Variants in GRM7 observed in about 807,000 individuals in gnomAD.
GRM7 encodes glutamate metabotropic receptor 7, also known as metabotropic glutamate receptor 7.
GRM7 carries 35 observed loss-of-function variants against 84.5 expected under a neutral mutation model. The ratio of observed to expected loss-of-function variants is 0.41; its 90% confidence interval spans 0.32 to 0.55. The LOEUF is 0.55. Among genes scored for constraint, GRM7 ranks in the 20% least tolerant of loss-of-function variants. GRM7 has a pLI of 0.19. For missense variants in GRM7, 1,003 were observed against 1,194.6 expected (o/e 0.84, Z 2.36); for synonymous variants, 487 against 455.1 (o/e 1.07, Z -0.89).
At chr3:7,067,330 T>C (rs1574857358) in intron 1 of GRM7, among the ~76,000 whole-genome samples, 1 of 152,022 alleles carries the variant, frequency 6.6e-6, no homozygotes, top group East Asian at 1.9e-4. Context: ...AGTTCCTGGA[T>C]ACAAGATTAA....
chr3:7,027,340 C>A (rs1184888363), intron 1 of GRM7, among the ~76,000 whole-genome samples: 2 of 152,142 alleles, frequency 1.3e-5, no homozygotes, highest in Admixed American at 1.3e-4. Flanking sequence ...TGAAAGATGA[C>A]AACAGCTACC....
At chr3:7,142,087 G>C (rs1399699126) in intron 1 of GRM7, among the ~76,000 whole-genome samples, 1 of 151,946 alleles carries the variant, frequency 6.6e-6, no homozygotes, top group Admixed American at 6.6e-5. Context: ...GTGAAAACTT[G>C]AAAAGGTTTA....
intron 1 of GRM7, among the ~76,000 whole-genome samples, chr3:7,127,402 C>G (rs1331382015): frequency 6.6e-6 from 1 of 152,160 alleles, no homozygotes; most frequent in Non-Finnish European, 1.5e-5. Context: ...TAATTGATAG[C>G]ATCTAACCCT....
At chr3:7,645,277 A>G (rs565617446) in intron 8 of GRM7, among the ~76,000 whole-genome samples, 252 of 152,190 alleles carry the variant, frequency 1.7e-3, no homozygotes, top group Non-Finnish European at 2.5e-3. Context: ...GGCTGGGCAC[A>G]GTGGCTCACG....
chr3:7,540,757 CA>C (rs1692834367), intron 7 of GRM7, among the ~76,000 whole-genome samples: 1 of 152,030 alleles, frequency 6.6e-6, no homozygotes, highest in Non-Finnish European at 1.5e-5. Context: ...GTAAAGAAGA[CA>C]AAATAGACTC....
chr3:7,326,666 G>T (rs917002317), intron 4 of GRM7, among the ~76,000 whole-genome samples: 2 of 151,896 alleles, frequency 1.3e-5, no homozygotes, highest in African/African-American at 4.8e-5. Flanking sequence ...TGACCAACAT[G>T]GCGAAACCCC....
chr3:7,144,521 T>A (rs949391505), intron 1 of GRM7, among the ~76,000 whole-genome samples: 8 of 152,180 alleles, frequency 5.3e-5, no homozygotes, highest in Non-Finnish European at 1.0e-4. Flanking sequence ...AGCAGAGGAC[T>A]TGAAAGTCAA....
intron 4 of GRM7, among the ~76,000 whole-genome samples, chr3:7,363,708 G>A (rs1420691894): frequency 6.6e-6 from 1 of 152,014 alleles, no homozygotes. Context: ...TCACCAATAT[G>A]AGCATCTTCA....
At chr3:7,692,931 T>TCTGA (rs1700862183) in intron 9 of GRM7, among the ~76,000 whole-genome samples, 1 of 151,954 alleles carries the variant, frequency 6.6e-6, no homozygotes, top group African/African-American at 2.4e-5. Context: ...GGAAACATAA[T>TCTGA]CTAACTTCAG....
chr3:7,529,160 T>A lies in GRM7; in HGVS notation c.1516-49262T>A, dbSNP rs549994698. Among the ~76,000 whole-genome samples the A allele has an allele frequency of 9.2e-5, 14 of 152,248 alleles. No homozygotes were observed. In the South Asian group the frequency reaches 2.9e-3, roughly 32 times the overall value. On this transcript the variant is annotated intron_variant, in intron 7 of 9. Coordinates refer to ENST00000357716, the MANE Select transcript of GRM7 (RefSeq NM_000844.4). ...AGAATCTTTCAAAAATATTTTGTGG[T>A]AAAGTTCGAGAGCCTTTTATTATGA...
intron 1 of GRM7, among the ~76,000 whole-genome samples, chr3:7,136,272 T>A (rs1693767966): frequency 6.6e-6 from 1 of 151,994 alleles, no homozygotes; most frequent in South Asian, 2.1e-4. Context: ...ATTTGCTATG[T>A]GGGCCTGGCA....
chr3:6,923,025 C>CTT (rs200884887), intron 1 of GRM7, among the ~76,000 whole-genome samples: 6 of 151,544 alleles, frequency 4.0e-5, no homozygotes, highest in Admixed American at 6.6e-5. Flanking sequence ...TTATCTTTTT[C>CTT]TTTTTTTTGC....
chr3:7,693,280 CATGAGCAAAGGTAAT>C (rs1178053261), intron 9 of GRM7, among the ~76,000 whole-genome samples: 2 of 152,144 alleles, frequency 1.3e-5, no homozygotes, highest in Non-Finnish European at 2.9e-5. Flanking sequence ...GGCATGGAAA[CATGAGCAAAGGTAAT>C]TAAACTCAGA....
intron 1 of GRM7, among the ~76,000 whole-genome samples, chr3:6,984,053 CA>C (rs1694307193): frequency 6.6e-6 from 1 of 152,182 alleles, no homozygotes; most frequent in East Asian, 1.9e-4. Flanking sequence ...ACTTGAAGAA[CA>C]AATCAAAGCT....
At chr3:7,265,584 T>TC (rs1285557484) in intron 2 of GRM7, among the ~76,000 whole-genome samples, 1 of 152,132 alleles carries the variant, frequency 6.6e-6, no homozygotes, top group African/African-American at 2.4e-5. Flanking sequence ...TAAAATTTCA[T>TC]CCACAAAAAT....
At chr3:7,572,824 AT>A (rs1299991495) in intron 7 of GRM7, among the ~76,000 whole-genome samples, 39,228 of 59,522 alleles carry the variant, frequency 0.66, 11,086 homozygotes, top group Non-Finnish European at 0.7. Context: ...TCTATCTCAA[AT>A]ATATATATAT....
At chr3:7,106,023 C>A (rs1024218984) in intron 1 of GRM7, among the ~76,000 whole-genome samples, 3 of 151,828 alleles carry the variant, frequency 2.0e-5, no homozygotes, top group Non-Finnish European at 4.4e-5. Context: ...GTATTAACTT[C>A]TCAAAAACTG....
intron 8 of GRM7, among the ~76,000 whole-genome samples, chr3:7,655,737 C>G (rs949109142): frequency 6.6e-6 from 1 of 152,054 alleles, no homozygotes; most frequent in Non-Finnish European, 1.5e-5. Context: ...AGGAAAGAAA[C>G]CCCCTATGAT....
chr3:7,187,117 A>T (rs1354096083), intron 2 of GRM7, among the ~76,000 whole-genome samples: 1 of 152,136 alleles, frequency 6.6e-6, no homozygotes, highest in Non-Finnish European at 1.5e-5. Flanking sequence ...TAAAAAAATT[A>T]ACAATTGATT....
Sources: gnomAD v4.1 joint callset for allele counts (sites outside exome capture counted in the v4.1 genomes callset) on GRCh38, gnomAD v4.1.1 for gene constraint, MANE v1.5 for transcripts, NCBI Gene and HGNC (gene_info 2026-07-23, HGNC 2026-07-21) for gene names.